The following SLC25A21 variants were observed in gnomAD, a reference collection of about 807,000 sequenced individuals.
SLC25A21 encodes the protein solute carrier family 25 member 21, also known as mitochondrial 2-oxodicarboxylate carrier.
A neutral mutation model predicts 43.8 loss-of-function variants in SLC25A21; 47 were observed. The ratio of observed to expected loss-of-function variants is 1.07; its 90% CI spans 0.85 to 1.37. SLC25A21 has a LOEUF of 1.37. Among genes scored for constraint, SLC25A21 ranks in the 40% most tolerant of loss-of-function variants. SLC25A21 has a pLI of 0.00. For synonymous variants in SLC25A21, 131 were observed against 121.3 expected, an observed-to-expected ratio of 1.08 and a Z score of -0.52; for missense variants, 352 against 350.2, an observed-to-expected ratio of 1.00 and a Z score of -0.04.
chr14:37,043,495 C>T (rs1393497056), intron 1 of SLC25A21, among the ~76,000 whole-genome samples: 1 of 152,162 alleles, frequency 6.6e-6, no homozygotes, highest in Non-Finnish European at 1.5e-5. Context: ...TTGGCAAGCA[C>T]CATTTGTTCT....
intron 1 of SLC25A21, among the ~76,000 whole-genome samples, chr14:37,078,060 T>TA (rs748354519): frequency 6.6e-6 from 1 of 152,152 alleles, no homozygotes; most frequent in Non-Finnish European, 1.5e-5. Context: ...ACAGTGGATT[T>TA]AAAAAAAGAA....
rs945887940 is a variant in SLC25A21 at position 37,141,185 on chromosome 14, C to A, written c.70+31096G>T. Among the ~76,000 whole-genome samples, 4 of 152,166 alleles carry A rather than the reference C, an allele frequency of 2.6e-5. No homozygotes were observed. In the South Asian group the frequency reaches 6.2e-4, roughly 24 times the overall value. On this transcript the variant is annotated intron_variant, in intron 1 of 9. Transcript: ENST00000331299. ...AATCTTAGGAACTTAATAATTAACA[C>A]CTTTTGTATTACGAGGAAGAAATTC...
intron 1 of SLC25A21, among the ~76,000 whole-genome samples, chr14:36,910,523 T>C (rs1891659916): frequency 1.3e-5 from 2 of 152,086 alleles, no homozygotes; most frequent in African/African-American, 4.8e-5. Flanking sequence ...AAAAAAATAG[T>C]GCCTGGAATT....
At chr14:36,873,595 C>T (rs906058359) in intron 2 of SLC25A21, among the ~76,000 whole-genome samples, 1 of 152,078 alleles carries the variant, frequency 6.6e-6, no homozygotes, top group Admixed American at 6.6e-5. Context: ...CGCGCAGGGC[C>T]CCTGGTTTTC....
Position 37,072,811 on chromosome 14 carries a change from A to G in SLC25A21, c.70+99470T>C, listed in dbSNP as rs143779232. Reference sequence around the variant, plus strand: ...ATATCACTTAAAACAAGGAATCAGGAAACAATCTAGCAGGCTTAAAAGAAC... The same window carrying G: ...ATATCACTTAAAACAAGGAATCAGGGAACAATCTAGCAGGCTTAAAAGAAC... On this transcript the variant is annotated intron_variant, in intron 1 of 9. Coordinates refer to ENST00000331299, the MANE Select transcript of SLC25A21 (RefSeq NM_030631.4). Among the ~76,000 whole-genome samples, 25 of 152,358 alleles carry G rather than the reference A, an allele frequency of 1.6e-4. No individual in the cohort carries two copies. The East Asian group carries it at 4.2e-3, about 26-fold the overall frequency.
At chr14:36,838,053 T>C (rs888718016) in intron 2 of SLC25A21, among the ~76,000 whole-genome samples, 2 of 152,180 alleles carry the variant, frequency 1.3e-5, no homozygotes, top group Non-Finnish European at 2.9e-5. Context: ...AGTGCTTTCA[T>C]GGTCATGGTC....
chr14:36,942,360 G>C (rs1053965543), intron 1 of SLC25A21, among the ~76,000 whole-genome samples: 6 of 152,162 alleles, frequency 3.9e-5, no homozygotes, highest in Non-Finnish European at 8.8e-5. Flanking sequence ...AAGCTTCGCT[G>C]AACTATCTTG....
At chr14:36,901,520 A>G (rs1006958941) in intron 1 of SLC25A21, among the ~76,000 whole-genome samples, 2 of 152,208 alleles carry the variant, frequency 1.3e-5, no homozygotes, top group Non-Finnish European at 2.9e-5. Flanking sequence ...TTAAAAATAA[A>G]TAGAATTTTA....
intron 7 of SLC25A21, among the ~76,000 whole-genome samples, chr14:36,709,166 C>T (rs1031508082): frequency 3.3e-5 from 5 of 152,098 alleles, no homozygotes; most frequent in African/African-American, 1.2e-4. Context: ...TGCCATGATG[C>T]CCAGCTAATT....
chr14:37,103,885 A>C (rs574825564), intron 1 of SLC25A21, among the ~76,000 whole-genome samples: 1 of 152,220 alleles, frequency 6.6e-6, no homozygotes, highest in South Asian at 2.1e-4. Context: ...GCTGTTTGCC[A>C]GAATTTTCTC....
At chr14:36,938,174 A>G (rs1892471687) in intron 1 of SLC25A21, among the ~76,000 whole-genome samples, 1 of 152,116 alleles carries the variant, frequency 6.6e-6, no homozygotes. Flanking sequence ...ATAGAGCCCT[A>G]GTGTTGAATC....
At chr14:37,066,757 G>A (rs1962068997) in intron 1 of SLC25A21, among the ~76,000 whole-genome samples, 1 of 151,826 alleles carries the variant, frequency 6.6e-6, no homozygotes, top group African/African-American at 2.4e-5. Flanking sequence ...TATACACATG[G>A]AGAGAGAGAG....
intron 7 of SLC25A21, among the ~76,000 whole-genome samples, chr14:36,696,739 G>A (rs938260798): frequency 1.3e-5 from 2 of 152,094 alleles, no homozygotes; most frequent in African/African-American, 2.4e-5. Context: ...GTATTTCTGT[G>A]GGATCGGTGC....
chr14:36,974,859 T>G (rs1359707126), intron 1 of SLC25A21, among the ~76,000 whole-genome samples: 1 of 152,162 alleles, frequency 6.6e-6, no homozygotes, highest in Non-Finnish European at 1.5e-5. Flanking sequence ...GGCAATATAC[T>G]TGGACCTCAG....
intron 1 of SLC25A21, among the ~76,000 whole-genome samples, chr14:37,146,390 G>A (rs1170217265): frequency 6.6e-6 from 1 of 152,066 alleles, no homozygotes; most frequent in Non-Finnish European, 1.5e-5. Context: ...AAGGCTACAG[G>A]AACGTGGCAT....
chr14:36,881,164 C>A (rs1407694768), intron 1 of SLC25A21, among the ~76,000 whole-genome samples: 1 of 152,154 alleles, frequency 6.6e-6, no homozygotes, highest in Non-Finnish European at 1.5e-5. Flanking sequence ...AAATTGTCTA[C>A]CTTCTTTGAG....
chr14:37,104,102 AC>A (rs1434335049), intron 1 of SLC25A21, among the ~76,000 whole-genome samples: 2 of 152,256 alleles, frequency 1.3e-5, no homozygotes, highest in African/African-American at 4.8e-5. Context: ...AGAAATGGAC[AC>A]CAATGGGAGT....
chr14:37,142,706 A>C (rs1963591270), intron 1 of SLC25A21, among the ~76,000 whole-genome samples: 1 of 152,126 alleles, frequency 6.6e-6, no homozygotes, highest in African/African-American at 2.4e-5. Context: ...TGACAGAAGA[A>C]TTACCTCCGA....
At chr14:36,974,883 G>T (rs1459151562) in intron 1 of SLC25A21, among the ~76,000 whole-genome samples, 1 of 152,198 alleles carries the variant, frequency 6.6e-6, no homozygotes, top group African/African-American at 2.4e-5. Flanking sequence ...AGAAAGAAGA[G>T]ATGGTAACAG....
Sources: gnomAD v4.1 joint callset for allele counts (sites outside exome capture counted in the v4.1 genomes callset) on GRCh38, gnomAD v4.1.1 for gene constraint, MANE v1.5 for transcripts, NCBI Gene and HGNC (gene_info 2026-07-23, HGNC 2026-07-21) for gene names.